The following DNAAF9 variants were observed in gnomAD, a reference collection of about 807,000 sequenced individuals.
DNAAF9 encodes dynein axonemal assembly factor 9.
A neutral mutation model predicts 167.0 loss-of-function variants in DNAAF9; 90 were observed. The observed-to-expected ratio is 0.54, with a 90% CI of 0.45 to 0.64. DNAAF9 has a LOEUF of 0.64. Ranked by LOEUF, DNAAF9 falls within the 30% of genes least tolerant of loss-of-function variation. The pLI, the probability that DNAAF9 is intolerant of heterozygous loss-of-function variation, is 0.00. For synonymous variants in DNAAF9, 491 were observed against 508.8 expected, an observed-to-expected ratio of 0.96 and a Z score of 0.47; for missense variants, 1,315 against 1,442.2, an observed-to-expected ratio of 0.91 and a Z score of 1.43.
chr20:3,315,763 A>C lies in DNAAF9; in HGVS notation c.1562T>G (p.Leu521Trp). 1 of 1,613,882 alleles carries C rather than the reference A, an allele frequency of 6.2e-7. No individual in the cohort carries two copies. Among genetic ancestry groups the C allele is most frequent in the Non-Finnish European group, 8.5e-7 (1 of 1,179,724 alleles). Residue 521 changes from leucine (L) to tryptophan (W), a missense_variant, in exon 19 of 37, where the codon TTG becomes TGG. Coordinates refer to ENST00000252032, the MANE Select transcript of DNAAF9 (RefSeq NM_001009984.3). The surrounding 1 kb of genome is among the most constrained non-coding windows in gnomAD (Gnocchi z 4.1). ...SWLVEDNEVK[L>W]SEKTQQAVRG... The stretch of plus-strand genomic sequence containing the variant: ...CACTGCTTGCTGGGTTTTCTCAGAC[A>C]ATTTTACTTCATTATCTTCCACCTG...
intron 17 of DNAAF9, 97 bp from the exon 18 acceptor site, chr20:3,316,890 C>CTTTTT (rs11424663): frequency 1.2e-4 from 31 of 250,666 alleles, no homozygotes; most frequent in South Asian, 2.3e-4. Context: ...AGCTAGGGTT[C>CTTTTT]TTTTTTTTTT....
At position 3,340,499 on chromosome 20, in the gene DNAAF9, C is replaced by T; in HGVS notation, c.981+5G>A. 1.9e-6 allele frequency: 3 copies of T among 1,567,246 alleles called. No individual in the cohort carries two copies. The highest frequency in any genetic ancestry group is 1.4e-5 in the African/African-American group (1 of 72,578). ...AATCAAGCACCAGGCAGTCCAGCCA[C>T]TTACCATGTGCTTGGCAAAGCTCCC... On this transcript the variant is annotated splice_donor_5th_base_variant and intron_variant, in intron 10 of 36. Coordinates refer to ENST00000252032, the MANE Select transcript of DNAAF9 (RefSeq NM_001009984.3).
intron 27 of DNAAF9, among the ~76,000 whole-genome samples, chr20:3,286,093 G>A (rs896811817): frequency 1.3e-5 from 2 of 152,238 alleles, no homozygotes; most frequent in African/African-American, 4.8e-5. Context: ...TAATGGGCAT[G>A]AAGGCCCAGC....
chr20:3,321,569 T>G (rs1013165821), intron 16 of DNAAF9, among the ~76,000 whole-genome samples: 14 of 152,144 alleles, frequency 9.2e-5, no homozygotes, highest in Non-Finnish European at 1.3e-4. Context: ...GTTCCCTGTT[T>G]TTGTTTGTTT....
intron 1 of DNAAF9, among the ~76,000 whole-genome samples, chr20:3,394,835 T>C (rs977497469): frequency 6.6e-6 from 1 of 152,082 alleles, no homozygotes; most frequent in Non-Finnish European, 1.5e-5. Flanking sequence ...CTTTAAGGTA[T>C]GCTAGCTAGC....
chr20:3,394,949 CT>C (rs10522445), intron 1 of DNAAF9, among the ~76,000 whole-genome samples: 6 of 102,128 alleles, frequency 5.9e-5, no homozygotes, highest in African/African-American at 2.4e-4. Context: ...TTTCTTTTTT[CT>C]TTTTTTTTTT....
chr20:3,333,263 T>C (rs1350461778), intron 10 of DNAAF9, among the ~76,000 whole-genome samples: 1 of 152,208 alleles, frequency 6.6e-6, no homozygotes, highest in African/African-American at 2.4e-5. Context: ...AAGATGTTCA[T>C]TGATACAGAG....
intron 21 of DNAAF9, among the ~76,000 whole-genome samples, chr20:3,303,850 G>A (rs1478422881): frequency 6.6e-6 from 1 of 152,248 alleles, no homozygotes; most frequent in East Asian, 1.9e-4. Context: ...TAAGGTGAAT[G>A]GGAAGTGTTG....
chr20:3,250,940 A>T lies in DNAAF9; in HGVS notation c.*1632T>A, dbSNP rs1226943438. 1 of 152,204 alleles carries T rather than the reference A, an allele frequency of 6.6e-6. No homozygotes were observed. Among genetic ancestry groups the T allele is most frequent in the Non-Finnish European group, 1.5e-5 (1 of 68,038 alleles). The allele number at this position is 152,204 out of a possible 1,614,324, so 9.4% of individuals were successfully genotyped here. ...TTAAGATCTATGTTACTGATTCTGAAGCGAGGCAAGCCCTTGACGGACCGC... is the reference window on the plus strand; with the variant it reads ...TTAAGATCTATGTTACTGATTCTGATGCGAGGCAAGCCCTTGACGGACCGC... On this transcript the variant is annotated 3_prime_UTR_variant, in exon 37 of 37. Coordinates refer to ENST00000252032, the MANE Select transcript of DNAAF9 (RefSeq NM_001009984.3).
At chr20:3,256,454 G>T (rs1424350094) in intron 33 of DNAAF9, among the ~76,000 whole-genome samples, 3 of 152,176 alleles carry the variant, frequency 2.0e-5, no homozygotes, top group Admixed American at 2.0e-4. Flanking sequence ...CAAGGCTGCA[G>T]TGAGCTGAGA....
chr20:3,398,038 C>G lies in DNAAF9; in HGVS notation c.83+9437G>C, dbSNP rs569992067. ...AACACATCCTGTGACCCTCCCAAGC[C>G]AGTGTCCCATCATGATTTATCCAGG... On this transcript the variant is annotated intron_variant, in intron 1 of 36. Transcript: ENST00000252032. Among the ~76,000 whole-genome samples the G allele has an allele frequency of 2.6e-5, 4 of 152,252 alleles. No homozygotes were observed. The South Asian group carries it at 8.3e-4, about 32-fold the overall frequency.
At chr20:3,386,304 T>C (rs539078045) in intron 1 of DNAAF9, among the ~76,000 whole-genome samples, 19 of 152,250 alleles carry the variant, frequency 1.2e-4, no homozygotes, top group African/African-American at 3.6e-4. Context: ...ATGGAACAGA[T>C]AGAGTAACCA....
In DNAAF9 at chr20:3,252,458, G is replaced by A. The variant is rs1223691428; in HGVS notation, c.*114C>T. The A allele has an allele frequency of 1.4e-6, 1 of 691,530 alleles. No individual in the cohort carries two copies. Among genetic ancestry groups the A allele is most frequent in the South Asian group, 1.7e-5 (1 of 59,804 alleles). The allele number at this position is 691,530 out of a possible 1,614,324, so 42.8% of individuals were successfully genotyped here. A position where few individuals can be genotyped will look rare whatever the true frequency, so the allele number is the denominator to read the frequency against. ...ACTCAAGCCAGCCCACACAGGCCAA[G>A]GAGAACAAAGACAGCCCCTTAAGGG... On this transcript the variant is annotated 3_prime_UTR_variant, in exon 37 of 37. Transcript: ENST00000252032.
At chr20:3,272,957 A>C (rs2122821209) in intron 29 of DNAAF9, among the ~76,000 whole-genome samples, 1 of 152,122 alleles carries the variant, frequency 6.6e-6, no homozygotes, top group African/African-American at 2.4e-5. Flanking sequence ...CGGCCTCCCG[A>C]GTAGCTGGGA....
intron 6 of DNAAF9, among the ~76,000 whole-genome samples, chr20:3,364,940 C>CT (rs73616151): frequency 0.68 from 96,941 of 142,874 alleles, 33,307 homozygotes; most frequent in African/African-American, 0.79. Flanking sequence ...CCTTCTTTTC[C>CT]TTTTTTCTTT....
intron 17 of DNAAF9, 97 bp from the exon 18 acceptor site, chr20:3,316,890 C>CTT (rs11424663): frequency 0.033 from 8,119 of 248,866 alleles, 12 homozygotes; most frequent in South Asian, 0.038. Context: ...AGCTAGGGTT[C>CTT]TTTTTTTTTT....
intron 12 of DNAAF9, among the ~76,000 whole-genome samples, chr20:3,328,455 T>C (rs2069757637): frequency 6.6e-6 from 1 of 152,056 alleles, no homozygotes; most frequent in Non-Finnish European, 1.5e-5. Context: ...GCTGGGATTA[T>C]AGGTTATAGG....
In DNAAF9 at chr20:3,332,360, A is replaced by G; in HGVS notation, c.983T>C (p.Val328Ala). 6.3e-7 allele frequency: 1 copy of G among 1,580,172 alleles called. No homozygotes were observed. ...TCCCTTTGGTGAGACACACTGGGCT[A>G]CCTGGATGTCAGAAAAAAATAAAAA... The part of the protein sequence containing the change: ...GPGGSFAKHM[V>A]AQCVSPKGPL... Residue 328 changes from valine (V) to alanine (A), a missense_variant and splice_region_variant, in exon 11 of 37, where the codon GTA becomes GCA. Val to Ala is a moderately conservative substitution (Grantham distance 64). This residue lies in a region of DNAAF9 where 981 missense variants were observed against 1,012.5 expected (regional missense o/e 0.97). Coordinates refer to ENST00000252032, the MANE Select transcript of DNAAF9 (RefSeq NM_001009984.3).
intron 20 of DNAAF9, among the ~76,000 whole-genome samples, chr20:3,308,857 CAT>C (rs1462460942): frequency 6.6e-6 from 1 of 151,918 alleles, no homozygotes. Context: ...CACATGCCCA[CAT>C]GACTCCTCCT....
Sources: gnomAD v4.1 joint callset for allele counts (sites outside exome capture counted in the v4.1 genomes callset) on GRCh38, gnomAD v4.1.1 for gene constraint, gnomAD v4.1.1 regional missense constraint, Gnocchi (gnomAD v3.1) non-coding constraint, MANE v1.5 for transcripts, NCBI Gene and HGNC (gene_info 2026-07-23, HGNC 2026-07-21) for gene names.